The following UNC13B variants were observed in gnomAD, a reference collection of about 807,000 sequenced individuals.
The protein encoded by UNC13B is protein unc-13 homolog B.
In UNC13B, 144 loss-of-function variants were observed where a neutral mutation model predicts 211.0. The observed-to-expected ratio is 0.68, with a 90% CI of 0.60 to 0.78. The LOEUF is 0.78. UNC13B is among the 30% of genes least tolerant of loss of function. The pLI is 0.00. For synonymous variants in UNC13B, 709 were observed against 725.8 expected, an observed-to-expected ratio of 0.98 and a Z score of 0.37; for missense variants, 1,777 against 2,002.0, an observed-to-expected ratio of 0.89 and a Z score of 2.14.
intron 11 of UNC13B, among the ~76,000 whole-genome samples, chr9:35,328,420 C>T (rs1427743507): frequency 5.3e-5 from 8 of 152,192 alleles, no homozygotes; most frequent in Non-Finnish European, 1.2e-4. Context: ...ATGTGGTTCT[C>T]CTGCTTCTGT....
At position 35,380,624 on chromosome 9, in the gene UNC13B, G is replaced by A. The variant is rs138199360; in HGVS notation, c.10360G>A (p.Val3454Ile). ...EVRTLSGEMD[V>I]WYNLEKRTDK... is the part of the protein sequence containing the mutation. ...TCGGACCCTAAGTGGCGAGATGGAC[G>A]TCTGGTACAACTTGGGTGAGGAAAC... The change falls in exon 18 of 40, where the codon GTC (valine) becomes ATC (isoleucine). Residue 3454 changes from valine (V) to isoleucine (I), a missense_variant. Coordinates refer to ENST00000635942, the MANE Select transcript of UNC13B (RefSeq NM_001371189.2). 49 of 1,614,202 alleles carry A rather than the reference G, an allele frequency of 3.0e-5. No individual in the cohort carries two copies. Among genetic ancestry groups the A allele is most frequent in the Middle Eastern group, 3.3e-4 (2 of 6,062 alleles).
At position 35,228,006 on chromosome 9, in the gene UNC13B, C is replaced by A; in HGVS notation, c.23-9C>A. On this transcript the variant is annotated splice_polypyrimidine_tract_variant and intron_variant, in intron 1 of 39. Coordinates refer to ENST00000635942, the MANE Select transcript of UNC13B (RefSeq NM_001371189.2). ...CATTCTTCATGGTATCCTCTTTTTT[C>A]TCTTGCAGTTAAAAGGGCCAAATTC... 1.2e-6 allele frequency: 2 copies of A among 1,610,238 alleles called. No individual in the cohort carries two copies. Among genetic ancestry groups the A allele is most frequent in the Non-Finnish European group, 1.7e-6 (2 of 1,178,420 alleles).
At chr9:35,297,211 C>T (rs1405299897) in intron 8 of UNC13B, among the ~76,000 whole-genome samples, 1 of 151,476 alleles carries the variant, frequency 6.6e-6, no homozygotes, top group African/African-American at 2.4e-5. Flanking sequence ...GCCTCAGCCT[C>T]CGGAGTAGCT....
intron 11 of UNC13B, among the ~76,000 whole-genome samples, chr9:35,320,808 G>C (rs538736374): frequency 1.4e-4 from 22 of 152,236 alleles, no homozygotes; most frequent in African/African-American, 5.3e-4. Context: ...AGCTTTTTAA[G>C]GCTGATATTC....
chr9:35,238,737 T>G (rs1283380341), intron 5 of UNC13B, among the ~76,000 whole-genome samples: 1 of 152,048 alleles, frequency 6.6e-6, no homozygotes, highest in African/African-American at 2.4e-5. Flanking sequence ...TTGTAATTTT[T>G]AGTAGAGACA....
chr9:35,333,291 CA>C (rs1159890135), intron 11 of UNC13B, among the ~76,000 whole-genome samples: 1 of 152,054 alleles, frequency 6.6e-6, no homozygotes, highest in Non-Finnish European at 1.5e-5. Flanking sequence ...AGTTTATCCT[CA>C]AAAAAATTAA....
chr9:35,376,286 G>A, intron 15 of UNC13B, 39 bp downstream of exon 15: 1 of 1,598,088 alleles, frequency 6.3e-7, no homozygotes, highest in Non-Finnish European at 8.5e-7. Context: ...GAGTGGGGCA[G>A]CAGGGGCTTT....
chr9:35,344,602 G>A (rs749698655), intron 11 of UNC13B, among the ~76,000 whole-genome samples: 56 of 152,024 alleles, frequency 3.7e-4, no homozygotes, highest in Non-Finnish European at 2.6e-4. Flanking sequence ...CACCCGCTGC[G>A]GATCTTTGAA....
intron 23 of UNC13B, 106 bp from the exon 24 acceptor site, chr9:35,386,059 C>G: frequency 3.9e-6 from 6 of 1,538,860 alleles, no homozygotes; most frequent in Non-Finnish European, 5.2e-6. Context: ...GTCTAGGGAC[C>G]CAGACAGGGA....
In UNC13B at chr9:35,396,583, C is replaced by T. The variant is rs753779014; in HGVS notation, c.11416C>T (p.Gln3806Ter). ...GCGGGATCTGCCTGTCCTCCAGGGG[C>T]AGGTGCCTGAGTACCCAGCGTGAGT... ...YVRDLPVLQG[Q>*]VPEYPAWFEQ... Residue 3806 changes from glutamine (Q) to a stop codon, truncating the protein, a stop_gained, in exon 27 of 40, where the codon CAG becomes TAG. Transcript: ENST00000635942. LOFTEE classifies it high-confidence loss of function. 1 of 1,614,024 alleles carries T rather than the reference C, an allele frequency of 6.2e-7. No individual in the cohort carries two copies. Among genetic ancestry groups the T allele is most frequent in the African/African-American group, 1.3e-5 (1 of 75,018 alleles).
At chr9:35,187,593 A>T (rs1014897153) in intron 1 of UNC13B, among the ~76,000 whole-genome samples, 2 of 152,192 alleles carry the variant, frequency 1.3e-5, no homozygotes, top group African/African-American at 2.4e-5. Context: ...TGGCCTGATT[A>T]TTTGCATAAG....
chr9:35,270,249 G>C (rs1433688697), intron 7 of UNC13B, among the ~76,000 whole-genome samples: 1 of 152,054 alleles, frequency 6.6e-6, no homozygotes, highest in East Asian at 1.9e-4. Flanking sequence ...AACACACTAT[G>C]TTCTTCATAC....
At position 35,269,405 on chromosome 9, in the gene UNC13B, C is replaced by A. The variant is rs567498091; in HGVS notation, c.526+10355C>A. 3.3e-5 allele frequency among the ~76,000 whole-genome samples: 5 copies of A among 152,316 alleles called. No individual in the cohort carries two copies. The South Asian group carries it at 1.0e-3, about 32-fold the overall frequency. Reference sequence around the variant, plus strand: ...TGTGGAGTTTTGGGTGCACTACTCTCCCTGTGGGTGCATTTTTGTTCACCA... The same window carrying A: ...TGTGGAGTTTTGGGTGCACTACTCTACCTGTGGGTGCATTTTTGTTCACCA... On this transcript the variant is annotated intron_variant, in intron 7 of 39. Coordinates refer to ENST00000635942, the MANE Select transcript of UNC13B (RefSeq NM_001371189.2).
chr9:35,363,568 A>C (rs568529986), intron 11 of UNC13B, among the ~76,000 whole-genome samples: 1 of 152,152 alleles, frequency 6.6e-6, no homozygotes, highest in African/African-American at 2.4e-5. Context: ...AAAATTGGGA[A>C]CCTGTGAATT....
chr9:35,310,059 A>G (rs536302810), intron 9 of UNC13B, among the ~76,000 whole-genome samples: 7 of 152,256 alleles, frequency 4.6e-5, no homozygotes, highest in Non-Finnish European at 1.0e-4. Flanking sequence ...AGTGGAGTTC[A>G]TTCATTCCAT....
chr9:35,191,086 A>G (rs1338892036), intron 1 of UNC13B, among the ~76,000 whole-genome samples: 1 of 151,916 alleles, frequency 6.6e-6, no homozygotes, highest in Non-Finnish European at 1.5e-5. Flanking sequence ...CAGCCTCCCA[A>G]ATACCTGGGA....
chr9:35,348,523 G>A (rs968608983), intron 11 of UNC13B, among the ~76,000 whole-genome samples: 9 of 152,124 alleles, frequency 5.9e-5, no homozygotes, highest in Non-Finnish European at 1.2e-4. Flanking sequence ...CCATTAGAAG[G>A]GAGTGGGAAA....
At chr9:35,263,172 A>C (rs1465564608) in intron 7 of UNC13B, among the ~76,000 whole-genome samples, 1 of 152,194 alleles carries the variant, frequency 6.6e-6, no homozygotes, top group Non-Finnish European at 1.5e-5. Context: ...TCATCACAGC[A>C]GACAAAGATA....
chr9:35,303,808 A>G lies in UNC13B; in HGVS notation c.4404A>G (p.Leu1468=). 2.5e-6 allele frequency: 1 copy of G among 398,802 alleles called. No homozygotes were observed. Among genetic ancestry groups the G allele is most frequent in the Non-Finnish European group, 4.4e-6 (1 of 225,844 alleles). 24.7% of individuals were successfully genotyped at this position (398,802 alleles called of 1,614,324 possible). A position where few individuals can be genotyped will look rare whatever the true frequency, so the allele number is the denominator to read the frequency against. ...PLPINEANNS[L]EELPIDLSSS... is the part of the protein sequence containing the mutation. ...CAATTAATGAGGCTAATAATTCACT[A>G]GAAGAATTACCCATTGACTTAAGTT... The change falls in exon 9 of 40, where the codon CTA becomes CTG. Residue 1468 remains leucine (L), a synonymous_variant. Coordinates refer to ENST00000635942, the MANE Select transcript of UNC13B (RefSeq NM_001371189.2).
Sources: allele counts gnomAD v4.1 joint callset (sites outside exome capture counted in the v4.1 genomes callset), GRCh38; gene constraint gnomAD v4.1.1; transcripts MANE v1.5; gene names NCBI Gene and HGNC (gene_info 2026-07-23, HGNC 2026-07-21).